The following ART3 variants were observed in gnomAD, a reference collection of about 807,000 sequenced individuals.
The protein encoded by ART3 is ecto-ADP-ribosyltransferase 3.
ART3 carries 49 observed loss-of-function variants against 48.5 expected under a neutral mutation model. That is an observed-to-expected ratio of 1.01 (90% confidence interval 0.80 to 1.28). The LOEUF is 1.28. ART3 is among the 50% of genes most tolerant of loss of function. The pLI is 0.00. For missense variants in ART3, 438 were observed against 454.3 expected (o/e 0.96, Z 0.33); for synonymous variants, 145 against 157.2 (o/e 0.92, Z 0.58).
Position 76,104,583 on chromosome 4 carries a change from TC to T in ART3, c.971-12del, listed in dbSNP as rs1728060528. On this transcript the variant is annotated splice_polypyrimidine_tract_variant and intron_variant, in intron 9 of 11. Transcript: ENST00000355810. ...AGCAAACTGTAAGTCATTGGAAACT[TC>T]CTTCTCATTTAGGAATGAAAATTCC... 1.3e-6 allele frequency: 2 copies of T among 1,551,578 alleles called. No individual in the cohort carries two copies. The highest frequency in any genetic ancestry group is 1.2e-5 in the South Asian group (1 of 84,058).
rs113585233 is a variant in ART3 at position 76,099,971 on chromosome 4, G to A, written c.848-320G>A. On this transcript the variant is annotated intron_variant, in intron 5 of 11. Transcript: ENST00000355810. ...CCCTTCTTTTTATTGTTCCGTTGCA[G>A]TCACAGGTTCTACTGATCACTTCCC... is the stretch of plus-strand genomic sequence containing the variant. Among the ~76,000 whole-genome samples the A allele has an allele frequency of 2.8e-3, 422 of 152,328 alleles. 2 individuals carry two copies. The highest frequency in any genetic ancestry group is 9.7e-3 in the African/African-American group (403 of 41,578).
chr4:76,110,848 T>A (rs939865080), intron 11 of ART3, among the ~76,000 whole-genome samples: 5 of 151,980 alleles, frequency 3.3e-5, no homozygotes, highest in African/African-American at 4.8e-5. Flanking sequence ...TATATATATA[T>A]AAAAAGAAAG....
At chr4:76,044,515 CAG>C (rs1213503658) in intron 1 of ART3, among the ~76,000 whole-genome samples, 1 of 152,074 alleles carries the variant, frequency 6.6e-6, no homozygotes, top group African/African-American at 2.4e-5. Flanking sequence ...GCTAGGAAGA[CAG>C]AAATTTACCC....
chr4:76,052,099 C>T lies in ART3; in HGVS notation c.-9-23782C>T, dbSNP rs538474273. 7.9e-5 allele frequency among the ~76,000 whole-genome samples: 12 copies of T among 151,410 alleles called. No individual in the cohort carries two copies. In the South Asian group the frequency reaches 2.5e-3, roughly 32 times the overall value. On this transcript the variant is annotated intron_variant, in intron 1 of 9. Coordinates refer to the ART3 transcript ENST00000341029. ...ATTTTTTTTGTATTTTTATTAGAGA[C>T]GGGGTTTCGCCATGCTCACGCCTGT... is the stretch of plus-strand genomic sequence containing the variant.
intron 1 of ART3, among the ~76,000 whole-genome samples, chr4:76,020,070 C>G (rs1038097998): frequency 6.6e-6 from 1 of 150,812 alleles, no homozygotes; most frequent in Non-Finnish European, 1.5e-5. Context: ...ATGTTAGGGG[C>G]TTATGCTTCT....
intron 1 of ART3, among the ~76,000 whole-genome samples, chr4:76,051,308 T>TA (rs1736059547): frequency 1.0e-5 from 1 of 98,986 alleles, no homozygotes; most frequent in African/African-American, 3.9e-5. Context: ...GGATTTTTTT[T>TA]TAAGAGTTCT....
intron 3 of ART3, among the ~76,000 whole-genome samples, chr4:76,094,474 C>G (rs886812091): frequency 2.0e-5 from 3 of 152,158 alleles, no homozygotes; most frequent in African/African-American, 4.8e-5. Context: ...TTTTATATTT[C>G]TAAAAATATT....
At chr4:76,071,029 C>T (rs1253161483), upstream of ART3, among the ~76,000 whole-genome samples, 1 of 152,062 alleles carries the variant, frequency 6.6e-6, no homozygotes, top group Non-Finnish European at 1.5e-5. Context: ...TAGATCATAT[C>T]CAACATGCTG....
At chr4:76,013,117 A>C (rs1731950638) in intron 1 of ART3, among the ~76,000 whole-genome samples, 1 of 152,234 alleles carries the variant, frequency 6.6e-6, no homozygotes, top group Non-Finnish European at 1.5e-5. Context: ...GAATAATTGG[A>C]GGTACAGAGA....
intron 1 of ART3, among the ~76,000 whole-genome samples, chr4:76,028,466 A>G (rs998012231): frequency 2.0e-5 from 3 of 152,264 alleles, no homozygotes; most frequent in African/African-American, 7.2e-5. Flanking sequence ...AAAGACAACA[A>G]TGAAAAAAGG....
chr4:76,031,476 A>G (rs1279430124), intron 1 of ART3, among the ~76,000 whole-genome samples: 2 of 152,198 alleles, frequency 1.3e-5, no homozygotes, highest in Admixed American at 6.5e-5. Context: ...ACTCTTTCCC[A>G]CTTTCAATCA....
At chr4:76,054,604 G>A (rs1718497092) in intron 1 of ART3, among the ~76,000 whole-genome samples, 1 of 152,194 alleles carries the variant, frequency 6.6e-6, no homozygotes, top group Non-Finnish European at 1.5e-5. Context: ...AGCTGAAACA[G>A]GAGGATCACT....
intron 3 of ART3, among the ~76,000 whole-genome samples, chr4:76,092,063 C>A (rs1725029069): frequency 6.6e-6 from 1 of 152,118 alleles, no homozygotes; most frequent in Non-Finnish European, 1.5e-5. Context: ...TCATTGTATT[C>A]TTTTCTTGCA....
intron 1 of ART3, chr4:76,022,387 A>G: frequency 6.2e-7 from 1 of 1,613,736 alleles, no homozygotes; most frequent in Non-Finnish European, 8.5e-7. Flanking sequence ...AACTGCTTTC[A>G]GTAAATTCTT....
At chr4:76,073,842 T>C (rs1026929726), upstream of ART3, among the ~76,000 whole-genome samples, 7 of 152,190 alleles carry the variant, frequency 4.6e-5, no homozygotes, top group African/African-American at 1.4e-4. Context: ...AAAATTTTGT[T>C]TGTGAGATTT....
rs567618887 is a variant in ART3, at chr4:76,053,561, T to C, written c.-9-22320T>C. 2.0e-5 allele frequency among the ~76,000 whole-genome samples: 3 copies of C among 152,354 alleles called. No homozygotes were observed. In the South Asian group the frequency reaches 6.2e-4, roughly 32 times the overall value. On this transcript the variant is annotated intron_variant, in intron 1 of 9. Coordinates refer to the ART3 transcript ENST00000341029. ...TACTGCCAAGTTAATTTTATTAGGG[T>C]ATAATTAACAGTCGTCAAAGAAAAG...
intron 1 of ART3, among the ~76,000 whole-genome samples, chr4:76,060,170 T>C (rs57567974): frequency 0.025 from 3,854 of 152,294 alleles, 151 homozygotes; most frequent in African/African-American, 0.085. Context: ...AATTCAAGCC[T>C]TTGTCCTATT....
intron 4 of ART3, among the ~76,000 whole-genome samples, chr4:76,098,267 C>T (rs1726467349): frequency 6.6e-6 from 1 of 150,964 alleles, no homozygotes; most frequent in African/African-American, 2.4e-5. Context: ...ACAGAAAATT[C>T]TAAGAGTATT....
At position 76,064,952 on chromosome 4, in the gene ART3, G is replaced by A. The variant is rs147197444; in HGVS notation, c.-9-10929G>A. Among the ~76,000 whole-genome samples, 41 of 151,926 alleles carry A rather than the reference G, an allele frequency of 2.7e-4. No homozygotes were observed. The East Asian group carries it at 6.4e-3, about 24-fold the overall frequency. On this transcript the variant is annotated intron_variant, in intron 1 of 9. Coordinates refer to the ART3 transcript ENST00000341029. ...GTTCAAGCGATTCTCCTGCCTCAGCGTCCTGAGTAGCTGGGATTACAGGCA... is the reference window on the plus strand; with the variant it reads ...GTTCAAGCGATTCTCCTGCCTCAGCATCCTGAGTAGCTGGGATTACAGGCA...
Sources: gnomAD v4.1 joint callset for allele counts (sites outside exome capture counted in the v4.1 genomes callset) on GRCh38, gnomAD v4.1.1 for gene constraint, MANE v1.5 for transcripts, NCBI Gene and HGNC (gene_info 2026-07-23, HGNC 2026-07-21) for gene names.